The following WDR26 variants were observed in gnomAD, a reference collection of about 807,000 sequenced individuals.
WDR26 encodes the protein WD repeat domain 26.
In WDR26, 5 loss-of-function variants were observed where a neutral mutation model predicts 84.1. The observed-to-expected ratio is 0.06, with a 90% confidence interval of 0.03 to 0.13. The LOEUF is 0.13. Among genes scored for constraint, WDR26 ranks in the 10% least tolerant of loss-of-function variants. The pLI, the probability that WDR26 is intolerant of heterozygous loss-of-function variation, is 1.00. For synonymous variants in WDR26, 415 were observed against 389.6 expected, an observed-to-expected ratio of 1.07 and a Z score of -0.77; for missense variants, 642 against 974.9, an observed-to-expected ratio of 0.66 and a Z score of 4.55.
chr1:224,426,208 C>A (rs1400818453), intron 3 of WDR26, among the ~76,000 whole-genome samples: 1 of 152,142 alleles, frequency 6.6e-6, no homozygotes, highest in Non-Finnish European at 1.5e-5. Flanking sequence ...TCACGAAATG[C>A]TGTGGAGAAA....
At chr1:224,422,086 T>C (rs960801589) in intron 4 of WDR26, among the ~76,000 whole-genome samples, 1 of 152,188 alleles carries the variant, frequency 6.6e-6, no homozygotes, top group African/African-American at 2.4e-5. Flanking sequence ...GTCACGAGAA[T>C]ACCCAGTGGG....
At chr1:224,398,300 C>T (rs758952505) in intron 11 of WDR26, 74 bp from the exon 12 acceptor site, 22 of 1,532,146 alleles carry the variant, frequency 1.4e-5, no homozygotes, top group Non-Finnish European at 1.8e-5. Context: ...CTGTAAATAT[C>T]CCTTTGCCTG....
At chr1:224,400,913 A>T in intron 9 of WDR26, 37 bp downstream of exon 9, 3 of 1,603,274 alleles carry the variant, frequency 1.9e-6, no homozygotes, top group Non-Finnish European at 8.5e-7. Flanking sequence ...TTGCTTTTAA[A>T]CCAACAGATA....
chr1:224,398,375 A>G, intron 11 of WDR26, 140 bp downstream of exon 11: 1 of 1,266,936 alleles, frequency 7.9e-7, no homozygotes, highest in Non-Finnish European at 1.1e-6. Flanking sequence ...GGTTGATTAT[A>G]CACATTTAAG....
intron 13 of WDR26, 106 bp downstream of exon 13, chr1:224,393,721 CA>C (rs1673184475): frequency 1.1e-6 from 1 of 945,146 alleles, no homozygotes; most frequent in Admixed American, 2.8e-5. Context: ...AGAGAGAAAT[CA>C]TATACCACAC....
chr1:224,397,163 T>C (rs1673289614), intron 12 of WDR26, among the ~76,000 whole-genome samples: 1 of 152,182 alleles, frequency 6.6e-6, no homozygotes, highest in South Asian at 2.1e-4. Flanking sequence ...ATATATTTTT[T>C]TACTTTTTGT....
intron 4 of WDR26, among the ~76,000 whole-genome samples, chr1:224,421,410 C>T (rs1674057641): frequency 6.6e-6 from 1 of 152,082 alleles, no homozygotes; most frequent in African/African-American, 2.4e-5. Context: ...CATGGCGAAA[C>T]CCCGTCTCTA....
chr1:224,385,428 T>G lies in WDR26; in HGVS notation c.*4407A>C, dbSNP rs1162994986. On this transcript the variant is annotated 3_prime_UTR_variant, in exon 14 of 14. Transcript: ENST00000414423. Reference sequence around the variant, plus strand: ...ACTTTAATGAATAAAGCAAAGAAATTTAAACTAAGTAAATATAATCTGAGA... The same window carrying G: ...ACTTTAATGAATAAAGCAAAGAAATGTAAACTAAGTAAATATAATCTGAGA... 6.6e-6 allele frequency: 1 copy of G among 152,180 alleles called. No homozygotes were observed. The highest frequency in any genetic ancestry group is 2.4e-5 in the African/African-American group (1 of 41,348). The allele number at this position is 152,180 out of a possible 1,614,324, so 9.4% of individuals were successfully genotyped here.
chr1:224,398,437 T>A, intron 11 of WDR26, 78 bp downstream of exon 11: 2 of 1,367,426 alleles, frequency 1.5e-6, no homozygotes, highest in Admixed American at 4.7e-5. Flanking sequence ...TTTGTTAATA[T>A]AAATACACTG....
At chr1:224,413,206 A>AG in intron 6 of WDR26, 1 of 786,254 alleles carries the variant, frequency 1.3e-6, no homozygotes, top group Non-Finnish European at 1.6e-6. Flanking sequence ...CAACAACAAA[A>AG]ACCCCCCCCC....
At chr1:224,397,884 A>T in intron 12 of WDR26, 1 of 566,784 alleles carries the variant, frequency 1.8e-6, no homozygotes, top group South Asian at 2.3e-5. Context: ...TTAGGTCATT[A>T]CAGAAAAGGA....
intron 12 of WDR26, among the ~76,000 whole-genome samples, chr1:224,396,165 T>A (rs1316215263): frequency 1.3e-5 from 2 of 152,200 alleles, no homozygotes; most frequent in Non-Finnish European, 2.9e-5. Context: ...TACTTGACAG[T>A]GGTCTAATTT....
At chr1:224,406,353 A>C (rs949788400) in intron 7 of WDR26, among the ~76,000 whole-genome samples, 3 of 152,014 alleles carry the variant, frequency 2.0e-5, no homozygotes, top group Admixed American at 1.3e-4. Flanking sequence ...TAAGTTTTAG[A>C]CTTTAGTCTT....
chr1:224,400,104 T>C (rs968467392), intron 9 of WDR26, among the ~76,000 whole-genome samples: 10 of 152,204 alleles, frequency 6.6e-5, no homozygotes, highest in African/African-American at 1.9e-4. Flanking sequence ...TGATTTATGA[T>C]ATAAATGATA....
chr1:224,430,273 T>C (rs1313270301), intron 3 of WDR26: 1 of 151,990 alleles, frequency 6.6e-6, no homozygotes, highest in African/African-American at 2.4e-5. Flanking sequence ...ACAGAATTAT[T>C]TTATAAGTTA....
intron 12 of WDR26, among the ~76,000 whole-genome samples, chr1:224,396,639 C>T (rs910177014): frequency 3.3e-5 from 5 of 152,192 alleles, no homozygotes; most frequent in Admixed American, 6.5e-5. Context: ...TCTCATCTGA[C>T]GCTGATTTTC....
intron 7 of WDR26, among the ~76,000 whole-genome samples, chr1:224,407,151 AATATATAT>A (rs1335487396): frequency 4.2e-4 from 5 of 11,876 alleles, no homozygotes; most frequent in South Asian, 4.8e-3. Flanking sequence ...AAAAAAAAAA[AATATATAT>A]ATATATATAT....
rs1043194420 is a variant in WDR26, at chr1:224,399,870, G to A, written c.1720-836C>T. Among the ~76,000 whole-genome samples, 9 of 152,184 alleles carry A rather than the reference G, an allele frequency of 5.9e-5. No individual in the cohort carries two copies. In the East Asian group the frequency reaches 1.7e-3, roughly 29 times the overall value. On this transcript the variant is annotated intron_variant, in intron 9 of 13. Coordinates refer to ENST00000414423, the MANE Select transcript of WDR26 (RefSeq NM_001379403.1). ...GCCTATAATCCCAGCACGTTGGGAGGCCAAGGCGGGAGGATCATTTGAGCC... is the reference window on the plus strand; with the variant it reads ...GCCTATAATCCCAGCACGTTGGGAGACCAAGGCGGGAGGATCATTTGAGCC...
At chr1:224,429,694 TC>T (rs1465076881) in intron 3 of WDR26, 2 of 152,190 alleles carry the variant, frequency 1.3e-5, no homozygotes, top group African/African-American at 4.8e-5. Context: ...GATTTAATCT[TC>T]ATCTTTTATT....
Sources: gnomAD v4.1 joint callset for allele counts (sites outside exome capture counted in the v4.1 genomes callset) on GRCh38, gnomAD v4.1.1 for gene constraint, MANE v1.5 for transcripts, NCBI Gene and HGNC (gene_info 2026-07-23, HGNC 2026-07-21) for gene names.